Variants in NCOR2 observed in about 807,000 individuals in gnomAD.
The protein encoded by NCOR2 is CTG repeat protein 26.
A neutral mutation model predicts 262.9 loss-of-function variants in NCOR2; 81 were observed. The ratio of observed to expected loss-of-function variants is 0.31; its 90% CI spans 0.26 to 0.37. The LOEUF (loss-of-function observed/expected upper bound fraction) is 0.37, where lower values mean the gene tolerates loss of function less well. Ranked by LOEUF, NCOR2 falls within the 10% of genes least tolerant of loss-of-function variation. NCOR2 has a pLI of 1.00. For missense variants in NCOR2, 3,385 were observed against 3,621.4 expected (o/e 0.93, Z 1.68); for synonymous variants, 1,659 against 1,559.3 (o/e 1.06, Z -1.51).
rs1435419309 is a variant in NCOR2 at position 124,440,373 on chromosome 12, C to G, written c.816-2377G>C. ...AATCCACCTCAGTCCCCGGGTCATT[C>G]TGGTGGTGACTTGGCCAGGGCCTCC... On this transcript the variant is annotated intron_variant, in intron 7 of 46. Coordinates refer to ENST00000405201, the Ensembl canonical transcript of NCOR2. This position sits in a 1 kb window ranked among gnomAD's most constrained non-coding sequence, Gnocchi z 5.7. Among the ~76,000 whole-genome samples the G allele has an allele frequency of 6.6e-6, 1 of 152,174 alleles. No individual in the cohort carries two copies. Among genetic ancestry groups the G allele is most frequent in the Non-Finnish European group, 1.5e-5 (1 of 68,024 alleles).
Position 124,356,629 on chromosome 12 carries a change from C to A in NCOR2, c.3241+13G>T, listed in dbSNP as rs201845311. On this transcript the variant is annotated intron_variant, in intron 23 of 46. Transcript: ENST00000405201. ...CTGGCTGAAGAAGCCCAAGCTCGGG[C>A]GGAGCTACTTACCAGGTGGAGCGTA... The A allele has an allele frequency of 7.0e-7, 1 of 1,426,422 alleles. No individual in the cohort carries two copies. Among genetic ancestry groups the A allele is most frequent in the Non-Finnish European group, 9.2e-7 (1 of 1,090,230 alleles). The allele number at this position is 1,426,422 out of a possible 1,614,324, so 88.4% of individuals were successfully genotyped here.
chr12:124,409,123 C>T (rs1268058406), intron 13 of NCOR2, among the ~76,000 whole-genome samples: 2 of 152,244 alleles, frequency 1.3e-5, no homozygotes. Flanking sequence ...ATTTAACACG[C>T]ACATGGAAGC....
intron 3 of NCOR2, among the ~76,000 whole-genome samples, chr12:124,477,577 C>T (rs925733917): frequency 6.6e-6 from 1 of 152,122 alleles, no homozygotes; most frequent in Non-Finnish European, 1.5e-5. Flanking sequence ...TTGTAAATGT[C>T]CTACAAGCCA....
chr12:124,382,917 G>A (rs531346484), intron 17 of NCOR2, among the ~76,000 whole-genome samples: 12 of 152,330 alleles, frequency 7.9e-5, no homozygotes, highest in African/African-American at 2.4e-4. Context: ...ACTGAAGCAC[G>A]GAGAGGTGAA....
At position 124,334,894 on chromosome 12, in the gene NCOR2, G is replaced by A. The variant is rs11829359; in HGVS notation, c.6411+241C>T. ...GGCCACCAGGAAGGCCTCATTGCCC[G>A]TGAAGATGCCATCGGCTCGCATCAC... On this transcript the variant is annotated intron_variant, in intron 40 of 46. Coordinates refer to ENST00000405201, the Ensembl canonical transcript of NCOR2. 2,202 of 638,758 alleles carry A rather than the reference G, an allele frequency of 3.4e-3. 31 individuals are homozygous for A. The African/African-American group carries it at 0.036, about 10-fold the overall frequency. The allele number at this position is 638,758 out of a possible 1,614,324, so 39.6% of individuals were successfully genotyped here.
intron 27 of NCOR2, among the ~76,000 whole-genome samples, chr12:124,352,310 G>T (rs1331749618): frequency 6.6e-6 from 1 of 152,094 alleles, no homozygotes; most frequent in Non-Finnish European, 1.5e-5. Context: ...GCAGAAATCA[G>T]TGGCTTACTG....
At chr12:124,333,747 G>A (rs1032515250) in intron 41 of NCOR2, among the ~76,000 whole-genome samples, 1 of 152,008 alleles carries the variant, frequency 6.6e-6, no homozygotes, top group Non-Finnish European at 1.5e-5. Flanking sequence ...GAGGCCCCAC[G>A]GTTCACCAGG....
At chr12:124,429,843 A>C in intron 9 of NCOR2, 137 bp from the exon 12 acceptor site, 1 of 800,794 alleles carries the variant, frequency 1.2e-6, no homozygotes, top group Non-Finnish European at 2.0e-6. Context: ...GGCCGGCCCC[A>C]CACCCGGGGT....
exon 20 of NCOR2, chr12:124,372,093 G>C: frequency 1.2e-6 from 2 of 1,603,604 alleles, no homozygotes; most frequent in Non-Finnish European, 1.7e-6. Flanking sequence ...CGCTGTCCTG[G>C]GGGGCGCCCG....
intron 22 of NCOR2, among the ~76,000 whole-genome samples, chr12:124,361,224 G>A (rs1287684100): frequency 1.3e-5 from 2 of 152,164 alleles, no homozygotes; most frequent in African/African-American, 4.8e-5. Context: ...TCCCTGGGCT[G>A]TGCTGGTCAG....
chr12:124,472,153 A>G (rs1318859559), intron 4 of NCOR2, among the ~76,000 whole-genome samples: 2 of 152,270 alleles, frequency 1.3e-5, no homozygotes, highest in Non-Finnish European at 2.9e-5. Context: ...TGTCAGGGAC[A>G]TCTGAGCAGA....
At chr12:124,346,365 A>G (rs2036930820) in intron 31 of NCOR2, among the ~76,000 whole-genome samples, 199 bp downstream of exon 33, 2 of 152,286 alleles carry the variant, frequency 1.3e-5, no homozygotes, top group South Asian at 4.1e-4. Flanking sequence ...GTTCAGTAGA[A>G]TCAGGTCAGG....
rs995046409 is a variant in NCOR2 at position 124,483,250 on chromosome 12, C to A, written c.411+346G>T. 6.6e-6 allele frequency among the ~76,000 whole-genome samples: 1 copy of A among 152,148 alleles called. No homozygotes were observed. Among genetic ancestry groups the A allele is most frequent in the Non-Finnish European group, 1.5e-5 (1 of 67,998 alleles). On this transcript the variant is annotated intron_variant, in intron 3 of 46. Transcript: ENST00000405201. This position sits in a 1 kb window ranked among gnomAD's most constrained non-coding sequence, Gnocchi z 6.3. Reference sequence around the variant, plus strand: ...GACGGTCCTGACCCCCATCGAATGGCAGCTCTCTGCTCCACGGCACCCCAG... The same window carrying A: ...GACGGTCCTGACCCCCATCGAATGGAAGCTCTCTGCTCCACGGCACCCCAG...
chr12:124,386,341 C>T (rs763927768), intron 16 of NCOR2, among the ~76,000 whole-genome samples: 4 of 151,892 alleles, frequency 2.6e-5, no homozygotes, highest in South Asian at 2.1e-4. Context: ...CCTCGGGAGA[C>T]GGGTTGTTTT....
At chr12:124,344,626 G>A (rs1455571371) in exon 32 of NCOR2, 16 of 1,464,014 alleles carry the variant, frequency 1.1e-5, no homozygotes, top group East Asian at 2.5e-5. Flanking sequence ...GGGCTCCCGC[G>A]TGGTCACGGG....
chr12:124,496,054 G>A (rs1415223374), upstream of NCOR2, among the ~76,000 whole-genome samples: 1 of 152,138 alleles, frequency 6.6e-6, no homozygotes, highest in Admixed American at 6.5e-5. The surrounding 1 kb of genome is among the most constrained non-coding windows in gnomAD (Gnocchi z 4.4). Context: ...TCCTGGGGCA[G>A]ATACTGGAGC....
intron 16 of NCOR2, among the ~76,000 whole-genome samples, chr12:124,396,945 C>T (rs1365662660): frequency 2.0e-5 from 3 of 152,212 alleles, no homozygotes; most frequent in Non-Finnish European, 4.4e-5. Context: ...AGAAACCGCA[C>T]GTCACAGACA....
At chr12:124,420,117 A>G in intron 12 of NCOR2, 62 bp from the exon 15 acceptor site, 1 of 1,395,462 alleles carries the variant, frequency 7.2e-7, no homozygotes, top group Non-Finnish European at 1.0e-6. Context: ...GGCAGGAGCC[A>G]GGAGCTCACA....
At chr12:124,520,444 G>A in intron 1 of NCOR2, among the ~76,000 whole-genome samples, 1 of 152,084 alleles carries the variant, frequency 6.6e-6, no homozygotes, top group East Asian at 1.9e-4. Flanking sequence ...TTTGGACACA[G>A]ACCTGCATCC....
Sources: gnomAD v4.1 joint callset for allele counts (sites outside exome capture counted in the v4.1 genomes callset) on GRCh38, gnomAD v4.1.1 for gene constraint, Gnocchi (gnomAD v3.1) non-coding constraint, MANE v1.5 for transcripts, NCBI Gene and HGNC (gene_info 2026-07-23, HGNC 2026-07-21) for gene names.